TAFA2: variants seen among roughly 807,000 people sequenced by gnomAD.
TAFA2 encodes TAFA chemokine like family member 2, also known as chemokine-like protein TAFA-2.
A neutral mutation model predicts 18.8 loss-of-function variants in TAFA2; 7 were observed. That is an observed-to-expected ratio of 0.37 (90% CI 0.21 to 0.70). The LOEUF is 0.70. TAFA2 is among the 30% of genes least tolerant of loss of function. TAFA2 has a pLI of 0.53. For synonymous variants in TAFA2, 60 were observed against 54.2 expected (o/e 1.11, Z -0.47); for missense variants, 122 against 158.1 (o/e 0.77, Z 1.23).
At chr12:61,784,390 G>A (rs1870638037) in intron 2 of TAFA2, among the ~76,000 whole-genome samples, 1 of 151,468 alleles carries the variant, frequency 6.6e-6, no homozygotes, top group East Asian at 2.0e-4. Context: ...CCCTCAAGAA[G>A]GTGTGAGGCA....
intron 2 of TAFA2, among the ~76,000 whole-genome samples, chr12:61,864,285 G>C (rs1874247847): frequency 6.6e-6 from 1 of 150,908 alleles, no homozygotes. Context: ...AAAGTCACCA[G>C]GAGGAAAACA....
chr12:62,124,938 C>T (rs927813179), intron 1 of TAFA2, among the ~76,000 whole-genome samples: 1 of 152,076 alleles, frequency 6.6e-6, no homozygotes, highest in African/African-American at 2.4e-5. Context: ...TTTGAAATAG[C>T]CAGTGCAAAA....
intron 1 of TAFA2, among the ~76,000 whole-genome samples, chr12:62,121,662 AT>A (rs1418425120): frequency 1.3e-5 from 2 of 152,210 alleles, no homozygotes; most frequent in African/African-American, 4.8e-5. Context: ...CAGCCAACAA[AT>A]TTGTGAGAAA....
chr12:61,821,128 TACACACACAC>T (rs3034059), intron 2 of TAFA2, among the ~76,000 whole-genome samples: 51 of 146,574 alleles, frequency 3.5e-4, no homozygotes, highest in South Asian at 1.8e-3. Context: ...TTGATAGGGG[TACACACACAC>T]ACACACACAC....
At chr12:61,975,533 G>GTGTGTGTGTGTGTGTGTGTGTGTGTGTA (rs1879401547) in intron 1 of TAFA2, among the ~76,000 whole-genome samples, 1 of 151,386 alleles carries the variant, frequency 6.6e-6, no homozygotes, top group East Asian at 1.9e-4. Flanking sequence ...GTGTGTGTGT[G>GTGTGTGTGTGTGTGTGTGTGTGTGTGTA]TGTGTGTGTG....
chr12:61,788,101 AC>A (rs1253055330), intron 2 of TAFA2, among the ~76,000 whole-genome samples: 1 of 151,696 alleles, frequency 6.6e-6, no homozygotes, highest in Non-Finnish European at 1.5e-5. Flanking sequence ...GTAAAAAGGA[AC>A]AAAAAATGTC....
intron 1 of TAFA2, among the ~76,000 whole-genome samples, chr12:62,177,457 T>C (rs1250712929): frequency 1.3e-5 from 2 of 152,208 alleles, no homozygotes; most frequent in Non-Finnish European, 2.9e-5. Context: ...ATACACATTA[T>C]TGTTCCCCAA....
At chr12:61,861,153 T>A (rs1311709871) in intron 2 of TAFA2, among the ~76,000 whole-genome samples, 2 of 152,062 alleles carry the variant, frequency 1.3e-5, no homozygotes, top group African/African-American at 2.4e-5. Context: ...GATTTCGCCA[T>A]GTTGCCCAGG....
At chr12:62,179,495 G>A (rs1178501582) in intron 1 of TAFA2, among the ~76,000 whole-genome samples, 1 of 152,168 alleles carries the variant, frequency 6.6e-6, no homozygotes, top group East Asian at 1.9e-4. Flanking sequence ...CTGTGGCAGT[G>A]TCAGAACTGG....
At chr12:61,954,433 A>G (rs1878580940) in intron 1 of TAFA2, among the ~76,000 whole-genome samples, 2 of 152,200 alleles carry the variant, frequency 1.3e-5, no homozygotes, top group African/African-American at 2.4e-5. Context: ...ATATAAAAAT[A>G]TAATTTAAAG....
At chr12:61,852,917 A>C (rs1873734283) in intron 2 of TAFA2, among the ~76,000 whole-genome samples, 1 of 152,164 alleles carries the variant, frequency 6.6e-6, no homozygotes, top group African/African-American at 2.4e-5. Flanking sequence ...AGAAAAAAGA[A>C]ATACTGGTCA....
chr12:62,126,805 T>C (rs951206114), intron 1 of TAFA2, among the ~76,000 whole-genome samples: 19 of 152,132 alleles, frequency 1.2e-4, no homozygotes, highest in African/African-American at 3.9e-4. Context: ...ACTTACTTCA[T>C]AATAATCATT....
intron 1 of TAFA2, among the ~76,000 whole-genome samples, chr12:62,150,816 G>T (rs921772674): frequency 3.3e-5 from 5 of 151,796 alleles, no homozygotes; most frequent in African/African-American, 1.2e-4. Flanking sequence ...TGAGGCACAA[G>T]AATCACTTGA....
At chr12:62,139,883 CT>C (rs1315049582) in intron 1 of TAFA2, 4 of 152,196 alleles carry the variant, frequency 2.6e-5, no homozygotes, top group Non-Finnish European at 4.4e-5. Context: ...AAAATCACGT[CT>C]CCTAACTCCC....
intron 1 of TAFA2, among the ~76,000 whole-genome samples, chr12:62,082,868 T>C (rs1403732759): frequency 6.6e-6 from 1 of 152,180 alleles, no homozygotes; most frequent in Non-Finnish European, 1.5e-5. Context: ...AAAAGGAAAC[T>C]TAACACTTAA....
chr12:61,963,741 A>G (rs1878970859), intron 1 of TAFA2, among the ~76,000 whole-genome samples: 1 of 152,024 alleles, frequency 6.6e-6, no homozygotes, highest in African/African-American at 2.4e-5. Context: ...TATATTTCAT[A>G]TGAAACCAAA....
intron 2 of TAFA2, among the ~76,000 whole-genome samples, chr12:61,786,639 C>T (rs974947987): frequency 2.0e-5 from 3 of 151,172 alleles, no homozygotes; most frequent in African/African-American, 7.3e-5. Flanking sequence ...AATATAAAAA[C>T]AACCAAGGTT....
At chr12:62,102,612 C>T (rs1194680063) in intron 1 of TAFA2, among the ~76,000 whole-genome samples, 1 of 152,116 alleles carries the variant, frequency 6.6e-6, no homozygotes, top group Non-Finnish European at 1.5e-5. Flanking sequence ...TGAACTACTT[C>T]CTAAACAGCA....
chr12:62,026,738 C>T (rs1163071457), intron 1 of TAFA2, among the ~76,000 whole-genome samples: 1 of 152,026 alleles, frequency 6.6e-6, no homozygotes, highest in African/African-American at 2.4e-5. Context: ...TAAAAATACT[C>T]AAAATTATGA....
Sources: gnomAD v4.1 joint callset for allele counts (sites outside exome capture counted in the v4.1 genomes callset) on GRCh38, gnomAD v4.1.1 for gene constraint, MANE v1.5 for transcripts, NCBI Gene and HGNC (gene_info 2026-07-23, HGNC 2026-07-21) for gene names.